Variants in ADARB2 observed in about 807,000 individuals in gnomAD.
ADARB2 encodes adenosine deaminase RNA specific B2 (inactive).
In ADARB2, 25 loss-of-function variants were observed where a neutral mutation model predicts 62.2. That is an observed-to-expected ratio of 0.40 (90% CI 0.29 to 0.56). The LOEUF is 0.56. Among genes scored for constraint, ADARB2 ranks in the 20% least tolerant of loss-of-function variants. The probability of loss-of-function intolerance (pLI) is 0.43; values close to 1 mark genes in which losing one functional copy is unlikely to be tolerated. For synonymous variants in ADARB2, 572 were observed against 500.8 expected (o/e 1.14, Z -1.90); for missense variants, 1,071 against 1,077.4 (o/e 0.99, Z 0.08).
At chr10:1,366,782 C>T (rs1832317326) in intron 2 of ADARB2, among the ~76,000 whole-genome samples, 1 of 152,224 alleles carries the variant, frequency 6.6e-6, no homozygotes, top group Non-Finnish European at 1.5e-5. Flanking sequence ...CAGGCTGCCC[C>T]ACGTGTGACC....
At chr10:1,395,096 A>C (rs1334102476) in intron 1 of ADARB2, among the ~76,000 whole-genome samples, 1 of 151,764 alleles carries the variant, frequency 6.6e-6, no homozygotes, top group African/African-American at 2.4e-5. Flanking sequence ...TTTTATATTC[A>C]CTAGAGCTGA....
intron 1 of ADARB2, among the ~76,000 whole-genome samples, chr10:1,389,802 G>T (rs1832554762): frequency 6.6e-6 from 1 of 151,346 alleles, no homozygotes; most frequent in Non-Finnish European, 1.5e-5. Context: ...AAAAAATAAA[G>T]GCTGACGGCG....
chr10:1,505,284 G>A (rs912593492), intron 1 of ADARB2, among the ~76,000 whole-genome samples: 21 of 152,122 alleles, frequency 1.4e-4, no homozygotes, highest in African/African-American at 3.9e-4. Context: ...CATTTAACCC[G>A]CATCCTGCGT....
At chr10:1,542,989 G>A (rs1208552468) in intron 1 of ADARB2, among the ~76,000 whole-genome samples, 1 of 151,998 alleles carries the variant, frequency 6.6e-6, no homozygotes, top group South Asian at 2.1e-4. Context: ...CCGTCCGCCC[G>A]AGCAGATTCT....
At chr10:1,560,196 C>T (rs571009247) in intron 1 of ADARB2, among the ~76,000 whole-genome samples, 55 of 152,282 alleles carry the variant, frequency 3.6e-4, no homozygotes, top group Non-Finnish European at 3.4e-4. Flanking sequence ...TCTGGACCCC[C>T]CAACTGAAGC....
chr10:1,707,710 C>T (rs1036068402), intron 1 of ADARB2, among the ~76,000 whole-genome samples: 1 of 152,228 alleles, frequency 6.6e-6, no homozygotes, highest in African/African-American at 2.4e-5. Flanking sequence ...AGTTAGACTT[C>T]TCCAAATGTA....
In ADARB2 at chr10:1,364,000, C is replaced by T. The variant is rs377418830; in HGVS notation, c.188-83G>A. ...ACAGCAGGCACTCCCTGAGGGTCCCCGTCCCAGCGACCTCGCCGCCCGCGC... is the reference window on the plus strand; with the variant it reads ...ACAGCAGGCACTCCCTGAGGGTCCCTGTCCCAGCGACCTCGCCGCCCGCGC... On this transcript the variant is annotated intron_variant, in intron 2 of 9. Transcript: ENST00000381312. 1.3e-5 allele frequency: 18 copies of T among 1,387,666 alleles called. No individual in the cohort carries two copies. In the South Asian group the frequency reaches 2.4e-4, roughly 19 times the overall value. The allele number at this position is 1,387,666 out of a possible 1,614,324, so 86.0% of individuals were successfully genotyped here.
chr10:1,531,890 A>G (rs1832247439), intron 1 of ADARB2, among the ~76,000 whole-genome samples: 1 of 152,110 alleles, frequency 6.6e-6, no homozygotes, highest in Admixed American at 6.6e-5. Flanking sequence ...CCTCCTAACA[A>G]CACACGTGGT....
At chr10:1,453,156 T>A (rs1446109496) in intron 1 of ADARB2, among the ~76,000 whole-genome samples, 1 of 152,238 alleles carries the variant, frequency 6.6e-6, no homozygotes, top group Non-Finnish European at 1.5e-5. Context: ...AGGAGTTGTA[T>A]CAGCAAGACG....
At chr10:1,342,944 A>C (rs1343509133) in intron 3 of ADARB2, among the ~76,000 whole-genome samples, 1 of 152,220 alleles carries the variant, frequency 6.6e-6, no homozygotes, top group African/African-American at 2.4e-5. Context: ...GTTGGAGAAA[A>C]ATGTTGGAAC....
At chr10:1,618,438 A>G (rs1233629372) in intron 1 of ADARB2, among the ~76,000 whole-genome samples, 3 of 152,274 alleles carry the variant, frequency 2.0e-5, no homozygotes, top group Non-Finnish European at 2.9e-5. Flanking sequence ...ACATACCTAT[A>G]GAAAATTCTG....
chr10:1,703,952 A>AT (rs1329397154), intron 1 of ADARB2, among the ~76,000 whole-genome samples: 1 of 152,216 alleles, frequency 6.6e-6, no homozygotes, highest in Non-Finnish European at 1.5e-5. Flanking sequence ...AGCCAGGGGG[A>AT]AGACCTAGCA....
intron 1 of ADARB2, among the ~76,000 whole-genome samples, chr10:1,449,160 C>A (rs1394150726): frequency 6.6e-6 from 1 of 152,206 alleles, no homozygotes; most frequent in Admixed American, 6.5e-5. Flanking sequence ...ACCCCCACTC[C>A]TTTTCTTTAT....
At chr10:1,231,141 TCTCA>T (rs1241625137) in intron 6 of ADARB2, among the ~76,000 whole-genome samples, 1 of 152,080 alleles carries the variant, frequency 6.6e-6, no homozygotes, top group East Asian at 1.9e-4. Context: ...CTCCTGCTGT[TCTCA>T]CTCAGCCCTC....
intron 1 of ADARB2, among the ~76,000 whole-genome samples, chr10:1,728,473 G>T (rs564878404): frequency 6.6e-6 from 1 of 152,228 alleles, no homozygotes; most frequent in Admixed American, 6.5e-5. Flanking sequence ...TTGAATAAAC[G>T]CTTTTGTGCT....
chr10:1,576,267 C>T (rs1833019971), intron 1 of ADARB2, among the ~76,000 whole-genome samples: 1 of 147,796 alleles, frequency 6.8e-6, no homozygotes, highest in Admixed American at 6.7e-5. Flanking sequence ...CTGTAGGGCT[C>T]AGGGTCAAAG....
chr10:1,428,227 C>A (rs1304480063), intron 1 of ADARB2, among the ~76,000 whole-genome samples: 1 of 151,732 alleles, frequency 6.6e-6, no homozygotes, highest in Non-Finnish European at 1.5e-5. Context: ...CCTGCCTCAG[C>A]CTCCCAAAGT....
intron 1 of ADARB2, among the ~76,000 whole-genome samples, chr10:1,726,205 G>T (rs1835162069): frequency 6.6e-6 from 1 of 152,214 alleles, no homozygotes; most frequent in Non-Finnish European, 1.5e-5. Flanking sequence ...GTGCGGTTGG[G>T]TGTAGCCTCT....
At chr10:1,411,612 G>A (rs536208302) in intron 1 of ADARB2, among the ~76,000 whole-genome samples, 70 of 152,318 alleles carry the variant, frequency 4.6e-4, no homozygotes, top group African/African-American at 1.3e-3. Flanking sequence ...GTCCTGGGTG[G>A]GTGGTGGGGA....
Sources: gnomAD v4.1 joint callset for allele counts (sites outside exome capture counted in the v4.1 genomes callset) on GRCh38, gnomAD v4.1.1 for gene constraint, MANE v1.5 for transcripts, NCBI Gene and HGNC (gene_info 2026-07-23, HGNC 2026-07-21) for gene names.